The following ABI2 variants were observed in gnomAD, a reference collection of about 807,000 sequenced individuals.
The protein encoded by ABI2 is abelson interactor 2.
A neutral mutation model predicts 59.2 loss-of-function variants in ABI2; 25 were observed. The ratio of observed to expected loss-of-function variants is 0.42; its 90% CI spans 0.31 to 0.59. The LOEUF is 0.59. Ranked by LOEUF, ABI2 falls within the 20% of genes least tolerant of loss-of-function variation. The probability of loss-of-function intolerance (pLI) is 0.14; values close to 1 mark genes in which losing one functional copy is unlikely to be tolerated. For synonymous variants in ABI2, 213 were observed against 235.5 expected (o/e 0.90, Z 0.87); for missense variants, 545 against 681.8 (o/e 0.80, Z 2.23).
Position 203,427,428 on chromosome 2 carries a change from C to T in ABI2, c.*76C>T. 2 of 1,309,384 alleles carry T rather than the reference C, an allele frequency of 1.5e-6. No individual in the cohort carries two copies. Among genetic ancestry groups the T allele is most frequent in the South Asian group, 1.5e-5 (1 of 65,346 alleles). 81.1% of individuals were successfully genotyped at this position (1,309,384 alleles called of 1,614,324 possible). A position where few individuals can be genotyped will look rare whatever the true frequency, so the allele number is the denominator to read the frequency against. ...TTATCTGAAGGCCCTGGGGATTCCA[C>T]TCCAGTAAAGTAGAATGAAGGATAC... On this transcript the variant is annotated 3_prime_UTR_variant, in exon 12 of 12. Coordinates refer to ENST00000261018, the MANE Select transcript of ABI2 (RefSeq NM_001375670.1).
chr2:203,378,662 A>G (rs1224199965), intron 2 of ABI2, among the ~76,000 whole-genome samples: 4 of 152,162 alleles, frequency 2.6e-5, no homozygotes, highest in African/African-American at 9.7e-5. Flanking sequence ...CATGATGATT[A>G]TCTTTTCACT....
At chr2:203,413,083 T>G (rs1167579318) in intron 10 of ABI2, among the ~76,000 whole-genome samples, 1 of 152,216 alleles carries the variant, frequency 6.6e-6, no homozygotes, top group African/African-American at 2.4e-5. Context: ...GTGTACACCT[T>G]AGAGAATTCT....
intron 5 of ABI2, among the ~76,000 whole-genome samples, chr2:203,392,442 G>GAGAT (rs2096797369): frequency 1.3e-5 from 2 of 152,176 alleles, no homozygotes; most frequent in Non-Finnish European, 2.9e-5. Flanking sequence ...TGCTGGAAGA[G>GAGAT]AGATAATAGG....
At chr2:203,351,534 T>TG (rs1250292594) in intron 1 of ABI2, 4 of 411,386 alleles carry the variant, frequency 9.7e-6, no homozygotes, top group Non-Finnish European at 1.9e-5. Flanking sequence ...AGTGTTTAGT[T>TG]TTTTTTTTTT....
At chr2:203,408,443 A>G (rs983019368) in intron 9 of ABI2, among the ~76,000 whole-genome samples, 24 of 150,602 alleles carry the variant, frequency 1.6e-4, no homozygotes, top group African/African-American at 5.6e-4. Flanking sequence ...GATTACAGGC[A>G]TGAGCCACCG....
In ABI2 at chr2:203,366,918, C is replaced by T. The variant is rs989642946; in HGVS notation, c.159C>T (p.Tyr53=). Residue 53 remains tyrosine, a synonymous_variant, in exon 2 of 12, where the codon TAC becomes TAT. Coordinates refer to ENST00000261018, the MANE Select transcript of ABI2 (RefSeq NM_001375670.1). ...GAGCCCTAGAAGAAACCAAAGCCTA[C>T]ACCACCCAATCCTTAGCAAGTGTTG... ...KQRALEETKA[Y]TTQSLASVAY... 5 of 1,611,518 alleles carry T rather than the reference C, an allele frequency of 3.1e-6. No homozygotes were observed. The highest frequency in any genetic ancestry group is 4.2e-6 in the Non-Finnish European group (5 of 1,178,668).
chr2:203,333,268 T>C (rs2074811567), intron 1 of ABI2, among the ~76,000 whole-genome samples: 1 of 152,230 alleles, frequency 6.6e-6, no homozygotes, highest in African/African-American at 2.4e-5. Context: ...AATATATATC[T>C]GGTACTCATA....
rs35102540 is a variant in ABI2 at position 203,376,752 on chromosome 2, T to TTTA, written c.286-3456_286-3455insTTA. On this transcript the variant is annotated intron_variant, in intron 2 of 11. Transcript: ENST00000261018. ...TCTTCCCTTTTTTTTTTTTTTTTTT[T>TTTA]ACTGTTATGGTCTATGGGTTTGGGC... Among the ~76,000 whole-genome samples the TTTA allele has an allele frequency of 1.6e-4, 23 of 148,272 alleles. No homozygotes were observed. In the East Asian group the frequency reaches 2.0e-3, roughly 13 times the overall value.
At chr2:203,390,672 G>A (rs537530062) in intron 4 of ABI2, among the ~76,000 whole-genome samples, 1 of 151,852 alleles carries the variant, frequency 6.6e-6, no homozygotes, top group South Asian at 2.1e-4. Context: ...ATAAGGAATT[G>A]CTTAAAAGCA....
intron 2 of ABI2, among the ~76,000 whole-genome samples, chr2:203,368,982 T>C (rs1262434112): frequency 2.1e-5 from 2 of 96,532 alleles, no homozygotes; most frequent in African/African-American, 3.7e-5. Context: ...CATGCTTGGC[T>C]GATTTTTTTT....
At chr2:203,352,409 T>G (rs942287532) in intron 1 of ABI2, among the ~76,000 whole-genome samples, 4 of 152,146 alleles carry the variant, frequency 2.6e-5, no homozygotes, top group Non-Finnish European at 4.4e-5. Flanking sequence ...ATGAAGGCAT[T>G]GTTATCAGAG....
chr2:203,347,044 A>G (rs1227585011), intron 1 of ABI2, among the ~76,000 whole-genome samples: 1 of 152,208 alleles, frequency 6.6e-6, no homozygotes. Flanking sequence ...CATGAGTTTC[A>G]TATAATAGAG....
At chr2:203,403,007 C>G (rs1330543784) in intron 9 of ABI2, among the ~76,000 whole-genome samples, 1 of 152,114 alleles carries the variant, frequency 6.6e-6, no homozygotes, top group Non-Finnish European at 1.5e-5. Context: ...TTTAAAATAA[C>G]ATTGTGGTGA....
chr2:203,351,532 G>GTTTTTTT (rs35382487), intron 1 of ABI2: 12 of 387,806 alleles, frequency 3.1e-5, no homozygotes, highest in East Asian at 7.9e-5. Flanking sequence ...TCAGTGTTTA[G>GTTTTTTT]TTTTTTTTTT....
chr2:203,381,924 T>G (rs1177273754), intron 3 of ABI2, among the ~76,000 whole-genome samples: 1 of 152,224 alleles, frequency 6.6e-6, no homozygotes, highest in Admixed American at 6.5e-5. Context: ...ACTTTCAGTG[T>G]TTAAGGGTCA....
At chr2:203,404,477 T>G (rs1579722386) in intron 9 of ABI2, among the ~76,000 whole-genome samples, 1 of 152,242 alleles carries the variant, frequency 6.6e-6, no homozygotes, top group Non-Finnish European at 1.5e-5. Flanking sequence ...TTTTATACAT[T>G]TGCCTTTTAA....
intron 2 of ABI2, among the ~76,000 whole-genome samples, chr2:203,375,763 G>C (rs565821225): frequency 8.1e-4 from 124 of 152,238 alleles, no homozygotes; most frequent in Non-Finnish European, 1.5e-3. Context: ...ACAAGTGAAA[G>C]CTATAAAAAA....
chr2:203,328,641 AT>A lies in ABI2; in HGVS notation c.117+11del. The A allele has an allele frequency of 6.4e-7, 1 of 1,551,044 alleles. No individual in the cohort carries two copies. The highest frequency in any genetic ancestry group is 8.7e-7 in the Non-Finnish European group (1 of 1,148,576). ...GAACAACTACATACAGGTGCGAAGC[AT>A]CCCCAGCTGGGCCGCGTCGGGGACC... On this transcript the variant is annotated intron_variant, in intron 1 of 11. Transcript: ENST00000261018.
intron 1 of ABI2, among the ~76,000 whole-genome samples, chr2:203,336,560 A>G (rs10172500): frequency 0.97 from 148,011 of 152,330 alleles, 71,915 homozygotes; most frequent in Middle Eastern, 0.99. Flanking sequence ...GAGGCTCTCT[A>G]TTGTACCCTT....
Sources: allele counts gnomAD v4.1 joint callset (sites outside exome capture counted in the v4.1 genomes callset), GRCh38; gene constraint gnomAD v4.1.1; transcripts MANE v1.5; gene names NCBI Gene and HGNC (gene_info 2026-07-23, HGNC 2026-07-21).